The following ATPSCKMT variants were observed in gnomAD, a reference collection of about 807,000 sequenced individuals.
ATPSCKMT encodes the protein ATP synthase subunit C lysine N-methyltransferase.
In ATPSCKMT, 24 loss-of-function variants were observed where a neutral mutation model predicts 24.3. The ratio of observed to expected loss-of-function variants is 0.99; its 90% CI spans 0.71 to 1.39. The LOEUF is 1.39. Ranked by LOEUF, ATPSCKMT falls within the 40% of genes most tolerant of loss-of-function variation. ATPSCKMT has a pLI of 0.00. For synonymous variants in ATPSCKMT, 95 were observed against 110.5 expected, an observed-to-expected ratio of 0.86 and a Z score of 0.88; for missense variants, 311 against 298.4, an observed-to-expected ratio of 1.04 and a Z score of -0.31.
Position 10,226,141 on chromosome 5 carries a change from C to T in ATPSCKMT, c.*1300G>A, listed in dbSNP as rs970874344. 6.6e-6 allele frequency among the ~76,000 whole-genome samples: 1 copy of T among 152,248 alleles called. No homozygotes were observed. Among genetic ancestry groups the T allele is most frequent in the African/African-American group, 2.4e-5 (1 of 41,460 alleles). ...TGTTTACTTCAGAGAACTCCACACACACTAAGATTCCCTTGCTTATTTGTT... is the reference window on the plus strand; with the variant it reads ...TGTTTACTTCAGAGAACTCCACACATACTAAGATTCCCTTGCTTATTTGTT... On this transcript the variant is annotated 3_prime_UTR_variant, in exon 5 of 5. Transcript: ENST00000511437.
intron 1 of ATPSCKMT, among the ~76,000 whole-genome samples, chr5:10,246,205 G>A (rs1214182649): frequency 1.3e-5 from 2 of 151,952 alleles, no homozygotes; most frequent in South Asian, 2.1e-4. Flanking sequence ...CGAGGTGGGC[G>A]GATCACTTGA....
chr5:10,234,133 G>C (rs767743355), intron 4 of ATPSCKMT, among the ~76,000 whole-genome samples: 9 of 152,196 alleles, frequency 5.9e-5, no homozygotes, highest in Non-Finnish European at 8.8e-5. Context: ...TTCAAGACCA[G>C]CCTGGCCAAC....
rs370610101 is a variant in ATPSCKMT, at chr5:10,239,384, C to T, written c.17-28G>A. 23 of 1,553,352 alleles carry T rather than the reference C, an allele frequency of 1.5e-5. 1 individual carries two copies. In the South Asian group the frequency reaches 1.9e-4, roughly 13 times the overall value. ...AGATTGAAAGCAAGCAGAAGAGACA[C>T]ATGTAGCACCAAATCTGAAATCCAA... On this transcript the variant is annotated intron_variant, in intron 1 of 4. Transcript: ENST00000511437.
chr5:10,246,359 G>C (rs1000230294), intron 1 of ATPSCKMT, among the ~76,000 whole-genome samples: 1 of 151,806 alleles, frequency 6.6e-6, no homozygotes, highest in Non-Finnish European at 1.5e-5. Context: ...CACCTGAACC[G>C]GGGAGGCAGA....
rs777467174 is a variant in ATPSCKMT, at chr5:10,239,193, C to T, written c.180G>A (p.Thr60=). ...GCAAACAGACTTTTCGAAGGGCTGG[C>T]GTTACAAACGGCGTGGCTACAGCGT... is the stretch of plus-strand genomic sequence containing the variant. The part of the protein sequence containing the change: ...AVYAVATPFV[T]PALRKVCLPF... Residue 60 remains threonine (T), a synonymous_variant, in exon 2 of 5, where the codon ACG becomes ACA. Coordinates refer to ENST00000511437, the MANE Select transcript of ATPSCKMT (RefSeq NM_199133.4). 13 of 1,614,058 alleles carry T rather than the reference C, an allele frequency of 8.1e-6. No homozygotes were observed. Among genetic ancestry groups the T allele is most frequent in the African/African-American group, 4.0e-5 (3 of 74,918 alleles).
Position 10,227,310 on chromosome 5 carries a change from G to T in ATPSCKMT, c.*131C>A. On this transcript the variant is annotated 3_prime_UTR_variant, in exon 5 of 5. Transcript: ENST00000511437. ...TTTTCTTCGTTTGTTTTCTCCAACA[G>T]TTAAGGAAAGTAATAGTAATTTCTC... 1.1e-6 allele frequency: 1 copy of T among 934,692 alleles called. No homozygotes were observed. Among genetic ancestry groups the T allele is most frequent in the Non-Finnish European group, 1.6e-6 (1 of 634,354 alleles). The allele number at this position is 934,692 out of a possible 1,614,324, so 57.9% of individuals were successfully genotyped here. A position where few individuals can be genotyped will look rare whatever the true frequency, so the allele number is the denominator to read the frequency against.
intron 1 of ATPSCKMT, among the ~76,000 whole-genome samples, chr5:10,243,559 C>T (rs370461066): frequency 1.3e-5 from 2 of 152,192 alleles, no homozygotes; most frequent in Non-Finnish European, 2.9e-5. Context: ...TAACTTGCTG[C>T]GGCTTCTCCA....
At chr5:10,229,848 G>A (rs1362789039) in intron 4 of ATPSCKMT, among the ~76,000 whole-genome samples, 1 of 152,210 alleles carries the variant, frequency 6.6e-6, no homozygotes, top group African/African-American at 2.4e-5. Context: ...TTTGGCCACT[G>A]GGAGGCTCTT....
intron 4 of ATPSCKMT, among the ~76,000 whole-genome samples, chr5:10,228,141 A>T (rs1213339633): frequency 1.3e-5 from 2 of 152,096 alleles, no homozygotes; most frequent in East Asian, 3.9e-4. Context: ...CACTGCGCCC[A>T]GCCACATTTT....
Position 10,227,258 on chromosome 5 carries a change from T to A in ATPSCKMT, c.*183A>T. On this transcript the variant is annotated 3_prime_UTR_variant, in exon 5 of 5. Transcript: ENST00000511437. ...AAGTACAATTTTTAAGAAAATAGCA[T>A]CAAAAGCAGATTTTAAATCTACCTG... The A allele has an allele frequency of 1.5e-6, 1 of 648,216 alleles. No individual in the cohort carries two copies. Among genetic ancestry groups the A allele is most frequent in the Admixed American group, 3.0e-5 (1 of 33,106 alleles). The allele number at this position is 648,216 out of a possible 1,614,324, so 40.2% of individuals were successfully genotyped here.
At chr5:10,230,928 T>G (rs939273210) in intron 4 of ATPSCKMT, among the ~76,000 whole-genome samples, 1 of 152,052 alleles carries the variant, frequency 6.6e-6, no homozygotes, top group Admixed American at 6.6e-5. Context: ...ACTCCCAGGC[T>G]CCATCTGTGC....
At chr5:10,246,316 C>T (rs7702689) in intron 1 of ATPSCKMT, among the ~76,000 whole-genome samples, 70,121 of 151,972 alleles carry the variant, frequency 0.46, 18,197 homozygotes, top group Non-Finnish European at 0.6. Flanking sequence ...CACCTGTAAT[C>T]CCAGCTACTT....
intron 2 of ATPSCKMT, among the ~76,000 whole-genome samples, chr5:10,238,790 AT>A (rs1446046680): frequency 6.6e-6 from 1 of 152,216 alleles, no homozygotes; most frequent in African/African-American, 2.4e-5. Context: ...CTGTTGGCCC[AT>A]GTATTTTAAG....
intron 4 of ATPSCKMT, among the ~76,000 whole-genome samples, chr5:10,229,808 T>C (rs2126420345): frequency 6.6e-6 from 1 of 152,380 alleles, no homozygotes; most frequent in South Asian, 2.1e-4. Context: ...ATTACTGTCC[T>C]TGTGTATTCG....
chr5:10,235,464 CT>C (rs1252624693), intron 3 of ATPSCKMT, among the ~76,000 whole-genome samples: 1 of 152,238 alleles, frequency 6.6e-6, no homozygotes, highest in African/African-American at 2.4e-5. Flanking sequence ...ATTCAATCCA[CT>C]GCAGTTTTCC....
rs972322967 is a variant in ATPSCKMT, at chr5:10,249,595, G to A, written c.16+263C>T. The A allele has an allele frequency of 3.3e-5, 15 of 460,946 alleles. No individual in the cohort carries two copies. The Admixed American group carries it at 4.0e-4, about 12-fold the overall frequency. The allele number at this position is 460,946 out of a possible 1,614,324, so 28.6% of individuals were successfully genotyped here. A position where few individuals can be genotyped will look rare whatever the true frequency, so the allele number is the denominator to read the frequency against. ...TCCACTATCCCTATTCCTTAAGATC[G>A]TGCCAAAGGCTGAGTCACTTGCACT... On this transcript the variant is annotated intron_variant, in intron 1 of 4. Coordinates refer to ENST00000511437, the MANE Select transcript of ATPSCKMT (RefSeq NM_199133.4).
intron 1 of ATPSCKMT, among the ~76,000 whole-genome samples, chr5:10,247,093 C>T (rs1424752354): frequency 6.6e-6 from 1 of 152,184 alleles, no homozygotes; most frequent in Non-Finnish European, 1.5e-5. Context: ...TGTGATGAAA[C>T]TTTTTGAGCA....
chr5:10,241,904 G>T (rs560319507), intron 1 of ATPSCKMT, among the ~76,000 whole-genome samples: 1 of 152,246 alleles, frequency 6.6e-6, no homozygotes, highest in Non-Finnish European at 1.5e-5. Context: ...AACAATGTAT[G>T]TACCTTAATT....
intron 1 of ATPSCKMT, chr5:10,248,245 G>C (rs955373143): frequency 1.6e-4 from 24 of 152,180 alleles, no homozygotes; most frequent in African/African-American, 5.8e-4. Flanking sequence ...AATGTCATTT[G>C]TGTCCTTTTG....
Sources: gnomAD v4.1 joint callset for allele counts (sites outside exome capture counted in the v4.1 genomes callset) on GRCh38, gnomAD v4.1.1 for gene constraint, MANE v1.5 for transcripts, NCBI Gene and HGNC (gene_info 2026-07-23, HGNC 2026-07-21) for gene names.